NAA11: variants seen among roughly 807,000 people sequenced by gnomAD.
NAA11 encodes N-alpha-acetyltransferase 11.
A neutral mutation model predicts 16.1 loss-of-function variants in NAA11; 15 were observed. The ratio of observed to expected loss-of-function variants is 0.93; its 90% CI spans 0.62 to 1.44. The LOEUF (loss-of-function observed/expected upper bound fraction) is 1.44, where lower values mean the gene tolerates loss of function less well. Ranked by LOEUF, NAA11 falls within the 40% of genes most tolerant of loss-of-function variation. The probability of loss-of-function intolerance (pLI) is 0.00; values close to 1 mark genes in which losing one functional copy is unlikely to be tolerated. For missense variants in NAA11, 298 were observed against 291.3 expected, an observed-to-expected ratio of 1.02 and a Z score of -0.17; for synonymous variants, 122 against 112.4, an observed-to-expected ratio of 1.09 and a Z score of -0.54.
the NAA11 span, among the ~76,000 whole-genome samples, chr4:79,204,928 T>TACACAC: frequency 0.04 from 5,916 of 147,778 alleles, 264 homozygotes; most frequent in African/African-American, 0.11. Flanking sequence ...ATGGTGTGTA[T>TACACAC]ACACACACAC....
chr4:79,253,501 G>A (rs970920017), intron 2 of NAA11, among the ~76,000 whole-genome samples: 21 of 152,194 alleles, frequency 1.4e-4, no homozygotes, highest in African/African-American at 4.3e-4. Context: ...CAGCAAAGAA[G>A]ATTTAGAAAT....
chr4:79,187,002 CTCTT>C, the NAA11 span, among the ~76,000 whole-genome samples: 2 of 152,100 alleles, frequency 1.3e-5, no homozygotes, highest in African/African-American at 4.8e-5. Flanking sequence ...TCACAGGACT[CTCTT>C]AGGTAAGGTT....
chr4:79,181,765 G>A, the NAA11 span, among the ~76,000 whole-genome samples: 1 of 152,216 alleles, frequency 6.6e-6, no homozygotes, highest in Non-Finnish European at 1.5e-5. Flanking sequence ...TGATGACACT[G>A]ATTTTACATT....
At chr4:79,315,993 G>A (rs886988525), downstream of NAA11, among the ~76,000 whole-genome samples, 18 of 152,164 alleles carry the variant, frequency 1.2e-4, no homozygotes, top group African/African-American at 4.1e-4. Flanking sequence ...CACTGCAGAA[G>A]TCATATATCA....
chr4:79,264,577 T>C lies in NAA11; in HGVS notation c.*122+29428A>G, dbSNP rs377619272. 2.3e-4 allele frequency among the ~76,000 whole-genome samples: 35 copies of C among 152,230 alleles called. No individual in the cohort carries two copies. In the South Asian group the frequency reaches 6.8e-3, roughly 30 times the overall value. ...TACCATTCCAAAATACCTGACTTTG[T>C]CAAGCTCACCAGCGATCTTCACACG... On this transcript the variant is annotated intron_variant and NMD_transcript_variant, in intron 2 of 2. Coordinates refer to the NAA11 transcript ENST00000511542.
At chr4:79,178,002 C>T in the NAA11 span, among the ~76,000 whole-genome samples, 1 of 152,070 alleles carries the variant, frequency 6.6e-6, no homozygotes, top group Non-Finnish European at 1.5e-5. Context: ...TCAGATTGTT[C>T]TCAGATGTTA....
At chr4:79,156,156 T>C in the NAA11 span, among the ~76,000 whole-genome samples, 3 of 152,140 alleles carry the variant, frequency 2.0e-5, no homozygotes, top group Non-Finnish European at 2.9e-5. Flanking sequence ...CATATGTATA[T>C]TTGTAGTAAA....
chr4:79,223,941 C>G (rs1004366974), downstream of NAA11, among the ~76,000 whole-genome samples: 8 of 152,088 alleles, frequency 5.3e-5, no homozygotes, highest in Non-Finnish European at 1.0e-4. Context: ...ATATCTCTCA[C>G]TATATTTCTC....
intron 2 of NAA11, among the ~76,000 whole-genome samples, chr4:79,275,631 A>C (rs1456025245): frequency 6.6e-6 from 1 of 152,134 alleles, no homozygotes; most frequent in African/African-American, 2.4e-5. Flanking sequence ...GCATTCTATC[A>C]ATTTGAAATT....
the NAA11 span, among the ~76,000 whole-genome samples, chr4:79,176,849 C>A: frequency 6.6e-6 from 1 of 152,120 alleles, no homozygotes; most frequent in Admixed American, 6.5e-5. Context: ...GTCCCAAGGA[C>A]AAGAGATTAC....
chr4:79,278,267 T>C (rs530558758), intron 2 of NAA11, among the ~76,000 whole-genome samples: 259 of 152,274 alleles, frequency 1.7e-3, no homozygotes, highest in African/African-American at 5.6e-3. Flanking sequence ...TCATCTTCCA[T>C]GCAGTTACCA....
At chr4:79,247,371 A>T (rs1721864022) in intron 2 of NAA11, among the ~76,000 whole-genome samples, 1 of 152,098 alleles carries the variant, frequency 6.6e-6, no homozygotes, top group African/African-American at 2.4e-5. Flanking sequence ...CCTGCATTTC[A>T]GTTTTCCCTG....
chr4:79,179,718 A>G, the NAA11 span, among the ~76,000 whole-genome samples: 1 of 152,226 alleles, frequency 6.6e-6, no homozygotes, highest in Non-Finnish European at 1.5e-5. Context: ...ATACAAATGA[A>G]GCATCAAGAG....
intron 2 of NAA11, among the ~76,000 whole-genome samples, chr4:79,243,950 C>T (rs1578158709): frequency 2.0e-5 from 3 of 152,218 alleles, no homozygotes; most frequent in African/African-American, 7.2e-5. Context: ...GTTCTCCTTA[C>T]CCTTGGGAAT....
chr4:79,312,313 A>ATG (rs1290475749), downstream of NAA11, among the ~76,000 whole-genome samples: 6 of 152,236 alleles, frequency 3.9e-5, no homozygotes, highest in Non-Finnish European at 1.5e-5. Context: ...GCTTGCCCTA[A>ATG]TGTACTATCA....
chr4:79,251,926 G>A (rs191085009), intron 2 of NAA11, among the ~76,000 whole-genome samples: 1 of 152,266 alleles, frequency 6.6e-6, no homozygotes, highest in African/African-American at 2.4e-5. Flanking sequence ...CAATAGCAAA[G>A]TCATGGAATC....
At chr4:79,250,636 C>T (rs1721974960) in intron 2 of NAA11, among the ~76,000 whole-genome samples, 1 of 152,134 alleles carries the variant, frequency 6.6e-6, no homozygotes, top group South Asian at 2.1e-4. Flanking sequence ...TATGTGGGAC[C>T]TGATTAAAGT....
chr4:79,209,332 A>G, the NAA11 span, among the ~76,000 whole-genome samples: 2 of 152,160 alleles, frequency 1.3e-5, no homozygotes, highest in Admixed American at 6.5e-5. Context: ...TTACTAAGTG[A>G]TTACTTCCTT....
chr4:79,303,107 T>G (rs1348315610), intron 1 of NAA11, among the ~76,000 whole-genome samples: 1 of 119,154 alleles, frequency 8.4e-6, no homozygotes, highest in African/African-American at 3.4e-5. Flanking sequence ...TATATATATA[T>G]ATATATATAT....
Sources: gnomAD v4.1 joint callset for allele counts (sites outside exome capture counted in the v4.1 genomes callset) on GRCh38, gnomAD v4.1.1 for gene constraint, MANE v1.5 for transcripts, NCBI Gene and HGNC (gene_info 2026-07-23, HGNC 2026-07-21) for gene names.